SPATS2: variants seen among roughly 807,000 people sequenced by gnomAD.
The protein encoded by SPATS2 is spermatogenesis-associated serine-rich protein 2.
SPATS2 carries 38 observed loss-of-function variants against 63.7 expected under a neutral mutation model. The observed-to-expected ratio is 0.60, with a 90% CI of 0.46 to 0.78. SPATS2 has a LOEUF of 0.78. Among genes scored for constraint, SPATS2 ranks in the 30% least tolerant of loss-of-function variants. The pLI, the probability that SPATS2 is intolerant of heterozygous loss-of-function variation, is 0.00. For missense variants in SPATS2, 588 were observed against 666.2 expected (o/e 0.88, Z 1.29); for synonymous variants, 207 against 232.9 (o/e 0.89, Z 1.01).
At chr12:49,414,660 G>A (rs774194825) in intron 2 of SPATS2, among the ~76,000 whole-genome samples, 35 of 151,716 alleles carry the variant, frequency 2.3e-4, no homozygotes, top group Admixed American at 3.9e-4. Context: ...GCTGGAGTGC[G>A]GTGGTGTGAT....
chr12:49,513,896 C>A (rs1194386155), intron 9 of SPATS2, among the ~76,000 whole-genome samples: 2 of 152,110 alleles, frequency 1.3e-5, no homozygotes, highest in Non-Finnish European at 1.5e-5. Context: ...GTGGCTCACA[C>A]CTGTAATCCC....
chr12:49,451,711 G>A (rs1472746288), intron 2 of SPATS2, among the ~76,000 whole-genome samples: 1 of 152,154 alleles, frequency 6.6e-6, no homozygotes, highest in Non-Finnish European at 1.5e-5. Flanking sequence ...TTTTCCTAGT[G>A]CTCTTTCTTT....
intron 2 of SPATS2, among the ~76,000 whole-genome samples, chr12:49,437,823 A>G (rs1426421661): frequency 6.6e-6 from 1 of 151,922 alleles, no homozygotes; most frequent in African/African-American, 2.4e-5. Context: ...ACCGTGGAAA[A>G]AGAGGGAGAG....
At chr12:49,499,827 T>C (rs960817120) in intron 8 of SPATS2, among the ~76,000 whole-genome samples, 1 of 152,152 alleles carries the variant, frequency 6.6e-6, no homozygotes, top group Admixed American at 6.5e-5. Context: ...ATATATTTTG[T>C]CTTTGTATGT....
chr12:49,385,139 T>C (rs991423207), intron 2 of SPATS2, among the ~76,000 whole-genome samples: 22 of 152,124 alleles, frequency 1.4e-4, no homozygotes, highest in African/African-American at 5.3e-4. Flanking sequence ...TTTTACTTAG[T>C]GCCTACTATG....
At chr12:49,435,587 A>G (rs1440656753) in intron 2 of SPATS2, among the ~76,000 whole-genome samples, 1 of 150,758 alleles carries the variant, frequency 6.6e-6, no homozygotes, top group Non-Finnish European at 1.5e-5. Flanking sequence ...CAGCCTCCCA[A>G]AGTGCTAGGA....
chr12:49,429,081 T>G (rs1945134208), intron 2 of SPATS2, among the ~76,000 whole-genome samples: 1 of 152,152 alleles, frequency 6.6e-6, no homozygotes, highest in African/African-American at 2.4e-5. Context: ...CCTTTTGAGC[T>G]CCCTCTACTC....
At chr12:49,476,713 C>T (rs1417985798) in intron 3 of SPATS2, among the ~76,000 whole-genome samples, 1 of 152,148 alleles carries the variant, frequency 6.6e-6, no homozygotes, top group Non-Finnish European at 1.5e-5. Context: ...GGGAACTTTT[C>T]CTGTTGCACT....
intron 2 of SPATS2, chr12:49,454,094 A>T (rs1169107865): frequency 6.6e-6 from 1 of 151,814 alleles, no homozygotes; most frequent in Non-Finnish European, 1.5e-5. Flanking sequence ...TGATCTCATG[A>T]CCTCGTCATC....
intron 4 of SPATS2, among the ~76,000 whole-genome samples, chr12:49,486,809 A>G (rs1175450207): frequency 2.0e-5 from 3 of 151,720 alleles, no homozygotes; most frequent in Non-Finnish European, 4.4e-5. Flanking sequence ...AAAGAGAGAG[A>G]AACCAGTATC....
Position 49,369,184 on chromosome 12 carries a change from C to T in SPATS2, c.-307+1597C>T, listed in dbSNP as rs138291384. ...CTGGAATTACAGGTGCCCGCCAGCA[C>T]GCCTGGCTAATTTTTGTATTTTTAG... On this transcript the variant is annotated intron_variant, in intron 1 of 13. Transcript: ENST00000552918. Among the ~76,000 whole-genome samples the T allele has an allele frequency of 1.8e-3, 281 of 152,046 alleles. 1 individual carries two copies. The highest frequency in any genetic ancestry group is 6.1e-3 in the African/African-American group (252 of 41,488).
At chr12:49,376,696 C>A (rs896521493) in intron 2 of SPATS2, among the ~76,000 whole-genome samples, 1 of 149,084 alleles carries the variant, frequency 6.7e-6, no homozygotes, top group African/African-American at 2.5e-5. Context: ...TGTACCTGGC[C>A]GGTGTTTTGT....
intron 2 of SPATS2, among the ~76,000 whole-genome samples, chr12:49,416,355 T>C (rs1353915077): frequency 6.6e-6 from 1 of 152,144 alleles, no homozygotes; most frequent in Non-Finnish European, 1.5e-5. Context: ...CTGGGAAGCC[T>C]TAACAGCTGG....
intron 6 of SPATS2, among the ~76,000 whole-genome samples, chr12:49,492,014 G>A (rs1402379418): frequency 6.6e-6 from 1 of 152,130 alleles, no homozygotes; most frequent in Admixed American, 6.5e-5. Flanking sequence ...TAGGAGTCCT[G>A]TCAGGTCTTG....
intron 2 of SPATS2, among the ~76,000 whole-genome samples, chr12:49,416,775 G>T (rs1294361054): frequency 1.3e-5 from 2 of 152,182 alleles, no homozygotes; most frequent in Non-Finnish European, 2.9e-5. Flanking sequence ...GTGAGCCACT[G>T]TGCCTGGCCT....
At chr12:49,392,562 A>T (rs1441082890) in intron 2 of SPATS2, among the ~76,000 whole-genome samples, 1 of 151,630 alleles carries the variant, frequency 6.6e-6, no homozygotes, top group Non-Finnish European at 1.5e-5. Flanking sequence ...AAAATACAAA[A>T]ATTGGTCAGG....
chr12:49,513,584 C>G (rs920602463), intron 9 of SPATS2, among the ~76,000 whole-genome samples: 1 of 152,118 alleles, frequency 6.6e-6, no homozygotes, highest in South Asian at 2.1e-4. Context: ...ATTTAATGTT[C>G]TTTTTCTGTA....
At chr12:49,391,444 G>C (rs1414830844) in intron 2 of SPATS2, among the ~76,000 whole-genome samples, 1 of 152,096 alleles carries the variant, frequency 6.6e-6, no homozygotes, top group Admixed American at 6.5e-5. Flanking sequence ...CCCGGGAGGC[G>C]GAGGTTGCAG....
At chr12:49,507,840 G>A (rs1405702609) in intron 9 of SPATS2, among the ~76,000 whole-genome samples, 3 of 152,116 alleles carry the variant, frequency 2.0e-5, no homozygotes, top group Non-Finnish European at 1.5e-5. Flanking sequence ...CGGTTAATAC[G>A]ATTGCATTTT....
Sources: gnomAD v4.1 joint callset for allele counts (sites outside exome capture counted in the v4.1 genomes callset) on GRCh38, gnomAD v4.1.1 for gene constraint, MANE v1.5 for transcripts, NCBI Gene and HGNC (gene_info 2026-07-23, HGNC 2026-07-21) for gene names.